PTK7: variants seen among roughly 807,000 people sequenced by gnomAD.
The protein encoded by PTK7 is protein tyrosine kinase 7 (inactive).
PTK7 carries 39 observed loss-of-function variants against 116.6 expected under a neutral mutation model. The observed-to-expected ratio is 0.33, with a 90% CI of 0.26 to 0.44. The LOEUF is 0.44. Among genes scored for constraint, PTK7 ranks in the 20% least tolerant of loss-of-function variants. The pLI is 1.00. For missense variants in PTK7, 1,169 were observed against 1,425.6 expected, an observed-to-expected ratio of 0.82 and a Z score of 2.90; for synonymous variants, 546 against 563.6, an observed-to-expected ratio of 0.97 and a Z score of 0.44.
At position 43,142,276 on chromosome 6, in the gene PTK7, C is replaced by T. The variant is rs79644111; in HGVS notation, c.2024C>T (p.Thr675Met). The T allele has an allele frequency of 9.7e-4, 1,564 of 1,614,168 alleles. No homozygotes were observed. Among genetic ancestry groups the T allele is most frequent in the Admixed American group, 2.0e-3 (123 of 60,020 alleles). ...IAGNSCNIKH[T>M]EAPLYVVDKP... Reference sequence around the variant, plus strand: ...GGCAACAGCTGCAACATCAAGCACACGGAGGCCCCCCTCTATGTCGTGGGT... The same window carrying T: ...GGCAACAGCTGCAACATCAAGCACATGGAGGCCCCCCTCTATGTCGTGGGT... The change falls in exon 13 of 20, where the codon ACG (threonine) becomes ATG (methionine). Residue 675 changes from threonine to methionine, a missense_variant. By Grantham distance (81) the Thr-to-Met change is moderately conservative. Coordinates refer to ENST00000230419, the MANE Select transcript of PTK7 (RefSeq NM_002821.5).
chr6:43,104,499 C>A (rs772191469), intron 1 of PTK7, among the ~76,000 whole-genome samples: 5 of 152,056 alleles, frequency 3.3e-5, no homozygotes, highest in Non-Finnish European at 7.4e-5. Context: ...TAACCTCTGC[C>A]CCCTGGGAGG....
rs369310685 is a variant in PTK7, at chr6:43,140,713, C to A, written c.1619-955C>A. Among the ~76,000 whole-genome samples, 10 of 152,058 alleles carry A rather than the reference C, an allele frequency of 6.6e-5. No individual in the cohort carries two copies. The East Asian group carries it at 1.7e-3, about 26-fold the overall frequency. On this transcript the variant is annotated intron_variant, in intron 10 of 19. Transcript: ENST00000230419. ...GACCAACCTGGGCAATACAGGGAGA[C>A]CCTGTCTGTACAAAAAATTTAAAAA...
rs1244514866 is a variant in PTK7 at position 43,076,905 on chromosome 6, GA to G, written c.79+339del. The G allele has an allele frequency of 6.6e-7, 1 of 1,513,146 alleles. No individual in the cohort carries two copies. The highest frequency in any genetic ancestry group is 8.8e-7 in the Non-Finnish European group (1 of 1,131,144). 93.7% of individuals were successfully genotyped at this position (1,513,146 alleles called of 1,614,324 possible). A position where few individuals can be genotyped will look rare whatever the true frequency, so the allele number is the denominator to read the frequency against. Reference sequence around the variant, plus strand: ...CCAGATGGGGAGTTTCTTGTCGGGGGAGAAAAGACCATCCGCACCCACCGTG... The same window carrying G: ...CCAGATGGGGAGTTTCTTGTCGGGGGGAAAAGACCATCCGCACCCACCGTG... On this transcript the variant is annotated intron_variant, in intron 1 of 19. Transcript: ENST00000230419. This position sits in a 1 kb window ranked among gnomAD's most constrained non-coding sequence, Gnocchi z 5.7.
chr6:43,089,869 G>T (rs1315316340), intron 1 of PTK7, among the ~76,000 whole-genome samples: 1 of 152,214 alleles, frequency 6.6e-6, no homozygotes, highest in Non-Finnish European at 1.5e-5. Context: ...TGTTTTGATG[G>T]AGTGTCCTGA....
At chr6:43,128,890 C>T (rs2150427150) in intron 1 of PTK7, 87 bp from the exon 2 acceptor site, 2 of 1,404,254 alleles carry the variant, frequency 1.4e-6, no homozygotes, top group Admixed American at 2.2e-5. Flanking sequence ...GTACACAGCC[C>T]CTTTCCTCCT....
At chr6:43,155,025 A>T (rs1771339541) in intron 17 of PTK7, among the ~76,000 whole-genome samples, 1 of 152,214 alleles carries the variant, frequency 6.6e-6, no homozygotes, top group African/African-American at 2.4e-5. Flanking sequence ...GGGGTGTGGC[A>T]CACAGCAGGT....
In PTK7 at chr6:43,157,364, A is replaced by ATATATATTTTTTT. The variant is rs70990168; in HGVS notation, c.2722-1452_2722-1451insATATATTTTTTTT. On this transcript the variant is annotated intron_variant, in intron 17 of 19. Transcript: ENST00000230419. ...TATATATATATATATATATATATAT[A>ATATATATTTTTTT]TTTTTTTTTTTCTTTTTTTTTTTTT... 1.5e-4 allele frequency among the ~76,000 whole-genome samples: 8 copies of ATATATATTTTTTT among 54,356 alleles called. 1 individual carries two copies. The highest frequency in any genetic ancestry group is 2.4e-4 in the Admixed American group (1 of 4,100). The allele number at this position is 54,356 out of a possible 152,430, so 35.7% of individuals were successfully genotyped here.
rs1248250567 is a variant in PTK7 at position 43,130,394 on chromosome 6, G to A, written c.635G>A (p.Ser212Asn). 6.2e-7 allele frequency: 1 copy of A among 1,608,196 alleles called. No individual in the cohort carries two copies. Among genetic ancestry groups the A allele is most frequent in the Middle Eastern group, 1.7e-4 (1 of 6,046 alleles). ...AHSAFGQACS[S>N]QNFTLSIADE... is the part of the protein sequence containing the mutation. ...AGTGCTTTTGGCCAGGCTTGCAGCA[G>A]CCAGAACTTCACCTTGAGCATTGCT... Residue 212 changes from serine (S) to asparagine (N), a missense_variant, in exon 4 of 20, where the codon AGC becomes AAC. Ser to Asn is a conservative substitution (Grantham distance 46). This residue lies in a region of PTK7 where 487 missense variants were observed against 549.8 expected (regional missense o/e 0.89). Transcript: ENST00000230419.
chr6:43,147,209 G>C (rs558578860), intron 17 of PTK7, among the ~76,000 whole-genome samples: 1 of 152,366 alleles, frequency 6.6e-6, no homozygotes, highest in African/African-American at 2.4e-5. Context: ...GGCTGTAGCT[G>C]CCCAGCCTTT....
chr6:43,121,303 G>A (rs1280428522), intron 1 of PTK7, among the ~76,000 whole-genome samples: 1 of 152,176 alleles, frequency 6.6e-6, no homozygotes, highest in African/African-American at 2.4e-5. Flanking sequence ...CTGAGTTTCG[G>A]TTTTCACCGG....
chr6:43,123,293 A>C (rs911852846), intron 1 of PTK7, among the ~76,000 whole-genome samples: 1 of 152,210 alleles, frequency 6.6e-6, no homozygotes, highest in Non-Finnish European at 1.5e-5. Flanking sequence ...AAGTTGATTG[A>C]TAGAATCAAA....
intron 1 of PTK7, among the ~76,000 whole-genome samples, chr6:43,112,620 G>T (rs1768257924): frequency 6.6e-6 from 1 of 151,856 alleles, no homozygotes; most frequent in Admixed American, 6.6e-5. Flanking sequence ...CACCATGTTG[G>T]CCAGGCTGGT....
chr6:43,145,653 T>C lies in PTK7; in HGVS notation c.2640+221T>C. ...CCTTTATCAGCACCCAGTCTTTCCA[T>C]CTGTATCTCAGGGGCGTTGGTCCTA... On this transcript the variant is annotated intron_variant, in intron 16 of 19. Coordinates refer to ENST00000230419, the MANE Select transcript of PTK7 (RefSeq NM_002821.5). This position sits in a 1 kb window ranked among gnomAD's most constrained non-coding sequence, Gnocchi z 4.8. 2.7e-6 allele frequency: 1 copy of C among 364,018 alleles called. No homozygotes were observed. Among genetic ancestry groups the C allele is most frequent in the South Asian group, 1.1e-4 (1 of 9,024 alleles). The allele number at this position is 364,018 out of a possible 1,614,324, so 22.5% of individuals were successfully genotyped here.
chr6:43,092,085 A>G (rs1766985855), intron 1 of PTK7, among the ~76,000 whole-genome samples: 1 of 150,892 alleles, frequency 6.6e-6, no homozygotes, highest in Admixed American at 6.6e-5. Context: ...CTGGTCTTGA[A>G]CTCCTGACCT....
chr6:43,106,947 G>A (rs1196746221), intron 1 of PTK7, among the ~76,000 whole-genome samples: 2 of 137,294 alleles, frequency 1.5e-5, no homozygotes, highest in Non-Finnish European at 3.1e-5. Flanking sequence ...TTTTGAGACA[G>A]AGTCTTGCTC....
Position 43,131,998 on chromosome 6 carries a change from G to T in PTK7, c.813-18G>T, listed in dbSNP as rs1268865528. 1.9e-6 allele frequency: 3 copies of T among 1,613,570 alleles called. No homozygotes were observed. Among genetic ancestry groups the T allele is most frequent in the Non-Finnish European group, 2.5e-6 (3 of 1,179,952 alleles). ...GCCTATTGGCCACTTTCTCCAAATT[G>T]CACTCTCCCCTCTGCAGCCCCCCAC... On this transcript the variant is annotated intron_variant, in intron 5 of 19. Coordinates refer to ENST00000230419, the MANE Select transcript of PTK7 (RefSeq NM_002821.5).
Position 43,157,371 on chromosome 6 carries a change from T to TATATAAA in PTK7, c.2722-1446_2722-1445insATATAAA, listed in dbSNP as rs1561990682. The stretch of plus-strand genomic sequence containing the variant: ...ATATATATATATATATATATTTTTT[T>TATATAAA]TTTTCTTTTTTTTTTTTTTTTTTTA... On this transcript the variant is annotated intron_variant, in intron 17 of 19. Transcript: ENST00000230419. Among the ~76,000 whole-genome samples, 27 of 85,744 alleles carry TATATAAA rather than the reference T, an allele frequency of 3.1e-4. 1 individual carries two copies. Among genetic ancestry groups the TATATAAA allele is most frequent in the African/African-American group, 1.5e-3 (27 of 18,334 alleles). The allele number at this position is 85,744 out of a possible 152,430, so 56.3% of individuals were successfully genotyped here. A position where few individuals can be genotyped will look rare whatever the true frequency, so the allele number is the denominator to read the frequency against.
At chr6:43,121,601 T>G (rs1332143757) in intron 1 of PTK7, among the ~76,000 whole-genome samples, 1 of 152,228 alleles carries the variant, frequency 6.6e-6, no homozygotes, top group African/African-American at 2.4e-5. Flanking sequence ...TGGAGTCAGC[T>G]TGTCCATCTT....
At chr6:43,158,313 A>C (rs1243030580) in intron 17 of PTK7, among the ~76,000 whole-genome samples, 2 of 151,756 alleles carry the variant, frequency 1.3e-5, no homozygotes, top group Non-Finnish European at 2.9e-5. Flanking sequence ...GAAAAAAAAA[A>C]AAAGTAAGCT....
Sources: allele counts gnomAD v4.1 joint callset (sites outside exome capture counted in the v4.1 genomes callset), GRCh38; gene constraint gnomAD v4.1.1; regional missense constraint gnomAD v4.1.1; non-coding constraint Gnocchi (gnomAD v3.1); transcripts MANE v1.5; gene names NCBI Gene and HGNC (gene_info 2026-07-23, HGNC 2026-07-21).